The following CCNYL1 variants were observed in gnomAD, a reference collection of about 807,000 sequenced individuals.
The protein encoded by CCNYL1 is cyclin-Y-like protein 1.
A neutral mutation model predicts 44.2 loss-of-function variants in CCNYL1; 16 were observed. The ratio of observed to expected loss-of-function variants is 0.36; its 90% CI spans 0.25 to 0.55. CCNYL1 has a LOEUF of 0.55. CCNYL1 is among the 20% of genes least tolerant of loss of function. The pLI is 0.85. For synonymous variants in CCNYL1, 159 were observed against 163.2 expected (o/e 0.97, Z 0.20); for missense variants, 348 against 451.8 (o/e 0.77, Z 2.08).
rs1434596610 is a variant in CCNYL1 at position 207,746,844 on chromosome 2, C to T, written c.640-203C>T. Among the ~76,000 whole-genome samples, 3 of 152,024 alleles carry T rather than the reference C, an allele frequency of 2.0e-5. No homozygotes were observed. The South Asian group carries it at 6.2e-4, about 32-fold the overall frequency. ...TACAAAAATTAGCTGGGCATGGTGG[C>T]GCATGCCTGTAATCCCACCTAGTCG... On this transcript the variant is annotated intron_variant, in intron 7 of 9. Transcript: ENST00000295414.
chr2:207,736,592 A>T (rs1389880178), intron 4 of CCNYL1, among the ~76,000 whole-genome samples: 1 of 152,240 alleles, frequency 6.6e-6, no homozygotes, highest in Admixed American at 6.5e-5. Context: ...ATTTACTAAT[A>T]AATTTTCTAC....
intron 3 of CCNYL1, among the ~76,000 whole-genome samples, chr2:207,732,693 CCTT>C (rs56078707): frequency 0.035 from 5,370 of 152,078 alleles, 140 homozygotes; most frequent in Admixed American, 0.078. Flanking sequence ...TGGTTACTGA[CCTT>C]CTTAACATAG....
At chr2:207,721,114 T>C (rs2091637227) in intron 1 of CCNYL1, among the ~76,000 whole-genome samples, 1 of 152,196 alleles carries the variant, frequency 6.6e-6, no homozygotes, top group Non-Finnish European at 1.5e-5. Flanking sequence ...GTTTGTGTTA[T>C]GGACCGTAAG....
rs139772744 is a variant in CCNYL1, at chr2:207,741,651, C to T, written c.520-572C>T. 3.4e-4 allele frequency among the ~76,000 whole-genome samples: 51 copies of T among 151,998 alleles called. No homozygotes were observed. In the East Asian group the frequency reaches 9.7e-3, roughly 29 times the overall value. On this transcript the variant is annotated intron_variant, in intron 6 of 9. Coordinates refer to ENST00000295414, the MANE Select transcript of CCNYL1 (RefSeq NM_001330218.2). ...CATGAGGTCAGGAGTTTGAGACCAG[C>T]CTGGCCAGCATGGTGAAACCCTGCC...
At chr2:207,724,940 A>G (rs2091668988) in intron 2 of CCNYL1, 66 bp downstream of exon 2, 3 of 1,260,984 alleles carry the variant, frequency 2.4e-6, no homozygotes, top group East Asian at 4.8e-5. Context: ...TATTGGATGT[A>G]TTATAGAAGG....
chr2:207,724,758 T>C (rs2091667125), intron 1 of CCNYL1, 42 bp from the exon 2 acceptor site: 2 of 1,381,062 alleles, frequency 1.4e-6, no homozygotes, highest in Non-Finnish European at 2.1e-6. Flanking sequence ...TCATCTTTTC[T>C]ACTCACCTAA....
At chr2:207,739,811 G>A (rs1301468275) in intron 5 of CCNYL1, among the ~76,000 whole-genome samples, 1 of 152,212 alleles carries the variant, frequency 6.6e-6, no homozygotes, top group Non-Finnish European at 1.5e-5. Context: ...GTAAAGAGTA[G>A]CATAACTTCT....
chr2:207,712,198 C>T (rs2091554396), intron 1 of CCNYL1, 82 bp downstream of exon 1: 4 of 1,205,710 alleles, frequency 3.3e-6, no homozygotes, highest in Non-Finnish European at 4.6e-6. Context: ...AGGCATCCGC[C>T]GCCTCGGGCT....
In CCNYL1 at chr2:207,722,221, C is replaced by T. The variant is rs141595862; in HGVS notation, c.221-2579C>T. ...CCGAGTAGCTGGGACTAGAGGTGCA[C>T]GCCATCACGCCTGGCTGATTTTTTT... On this transcript the variant is annotated intron_variant, in intron 1 of 9. Transcript: ENST00000295414. 3.3e-3 allele frequency among the ~76,000 whole-genome samples: 495 copies of T among 151,870 alleles called. 4 individuals are homozygous for T. Among genetic ancestry groups the T allele is most frequent in the African/African-American group, 0.011 (456 of 41,420 alleles).
rs955476172 is a variant in CCNYL1, at chr2:207,716,972, G to C, written c.220+4856G>C. Among the ~76,000 whole-genome samples, 284 of 152,180 alleles carry C rather than the reference G, an allele frequency of 1.9e-3. 4 individuals carry two copies. Among genetic ancestry groups the C allele is most frequent in the Non-Finnish European group, 8.2e-4 (56 of 68,014 alleles). On this transcript the variant is annotated intron_variant, in intron 1 of 9. Coordinates refer to ENST00000295414, the MANE Select transcript of CCNYL1 (RefSeq NM_001330218.2). ...AAAATACAAAAAATTAGCCGGGCGT[G>C]GTGGCGGGCGCCTGTAGTCCCAGCT...
At chr2:207,730,081 A>G (rs2091715585) in intron 3 of CCNYL1, among the ~76,000 whole-genome samples, 1 of 152,146 alleles carries the variant, frequency 6.6e-6, no homozygotes, top group African/African-American at 2.4e-5. Context: ...CCTGGGGAGT[A>G]CAAGCATGGC....
intron 7 of CCNYL1, among the ~76,000 whole-genome samples, chr2:207,743,401 A>C (rs981384166): frequency 1.1e-4 from 17 of 152,166 alleles, no homozygotes; most frequent in African/African-American, 3.9e-4. Context: ...CTGAGCTTAG[A>C]GGTAAGGAAT....
chr2:207,724,665 T>G, intron 1 of CCNYL1, 135 bp from the exon 2 acceptor site: 1 of 668,576 alleles, frequency 1.5e-6, no homozygotes. Context: ...TTGTATTGTC[T>G]TTATTTCCTT....
rs190385405 is a variant in CCNYL1, at chr2:207,755,528, C to T, written c.*1830C>T. 2.0e-5 allele frequency: 3 copies of T among 152,324 alleles called. No individual in the cohort carries two copies. The highest frequency in any genetic ancestry group is 4.8e-5 in the African/African-American group (2 of 41,570). 9.4% of individuals were successfully genotyped at this position (152,324 alleles called of 1,614,324 possible). ...TGCCCTCTTTTTAAAAGTAGTTACC[C>T]GCAGAGCTGTGCTCTATATGCTTTG... is the stretch of plus-strand genomic sequence containing the variant. On this transcript the variant is annotated 3_prime_UTR_variant, in exon 10 of 10. Coordinates refer to ENST00000295414, the MANE Select transcript of CCNYL1 (RefSeq NM_001330218.2).
Position 207,756,123 on chromosome 2 carries a change from TTTTA to T in CCNYL1, c.*2429_*2432del, listed in dbSNP as rs367922906. On this transcript the variant is annotated 3_prime_UTR_variant, in exon 10 of 10. Transcript: ENST00000295414. ...AAAAGAATGCTACAATTTATGTGGT[TTTTA>T]TTTCTCATGTTTATATTAAAAGCTA... is the stretch of plus-strand genomic sequence containing the variant. The T allele has an allele frequency of 3.5e-4, 54 of 152,364 alleles. 1 individual carries two copies. Among genetic ancestry groups the T allele is most frequent in the African/African-American group, 1.3e-3 (52 of 41,588 alleles). 9.4% of individuals were successfully genotyped at this position (152,364 alleles called of 1,614,324 possible).
intron 8 of CCNYL1, among the ~76,000 whole-genome samples, chr2:207,747,811 G>T (rs573721038): frequency 6.6e-6 from 1 of 152,110 alleles, no homozygotes; most frequent in African/African-American, 2.4e-5. Flanking sequence ...GCCCGCCTCC[G>T]TCTCCCAAAG....
At chr2:207,750,892 T>G (rs746860240) in intron 8 of CCNYL1, 65 bp from the exon 9 acceptor site, 200 of 1,408,718 alleles carry the variant, frequency 1.4e-4, no homozygotes, top group Middle Eastern at 2.5e-4. Context: ...GAATGATATT[T>G]TTGAAGATAG....
intron 5 of CCNYL1, among the ~76,000 whole-genome samples, chr2:207,739,070 C>G (rs895900083): frequency 6.6e-6 from 1 of 152,078 alleles, no homozygotes; most frequent in African/African-American, 2.4e-5. Context: ...AGTATCACCA[C>G]CAATTGTATT....
At chr2:207,716,517 GA>G (rs1559163794) in intron 1 of CCNYL1, among the ~76,000 whole-genome samples, 1 of 152,134 alleles carries the variant, frequency 6.6e-6, no homozygotes, top group Non-Finnish European at 1.5e-5. Context: ...ATAAATTCCT[GA>G]ATCACTGCTT....
Sources: gnomAD v4.1 joint callset for allele counts (sites outside exome capture counted in the v4.1 genomes callset) on GRCh38, gnomAD v4.1.1 for gene constraint, MANE v1.5 for transcripts, NCBI Gene and HGNC (gene_info 2026-07-23, HGNC 2026-07-21) for gene names.